The following ANO7 variants were observed in gnomAD, a reference collection of about 807,000 sequenced individuals.
ANO7 encodes anoctamin 7.
Under a neutral mutation model 115.8 loss-of-function variants are expected in ANO7, and 114 were observed. The observed-to-expected ratio is 0.98, with a 90% CI of 0.85 to 1.15. The LOEUF (loss-of-function observed/expected upper bound fraction) is 1.15, where lower values mean the gene tolerates loss of function less well. ANO7 is among the 50% of genes most tolerant of loss of function. ANO7 has a pLI of 0.00. For missense variants in ANO7, 1,302 were observed against 1,201.2 expected (o/e 1.08, Z -1.24); for synonymous variants, 550 against 498.2 (o/e 1.10, Z -1.38).
At chr2:241,193,259 G>A (rs1010283576) in intron 3 of ANO7, among the ~76,000 whole-genome samples, 3 of 152,092 alleles carry the variant, frequency 2.0e-5, no homozygotes, top group Admixed American at 6.5e-5. Context: ...TAGTAGAGAC[G>A]GGGTTTCGCC....
intron 21 of ANO7, 61 bp downstream of exon 21, chr2:241,218,442 C>G: frequency 4.2e-6 from 4 of 958,526 alleles, no homozygotes; most frequent in Non-Finnish European, 3.7e-6. Context: ...GAGCGGGGCT[C>G]GGGTGGGGTG....
At chr2:241,230,138 C>T (rs758254019), downstream of ANO7, 20 of 1,603,862 alleles carry the variant, frequency 1.2e-5, no homozygotes, top group Non-Finnish European at 1.6e-5. The surrounding 1 kb of genome is among the most constrained non-coding windows in gnomAD (Gnocchi z 5.0). Flanking sequence ...GGCTCCAAGG[C>T]CCACAGAGAC....
chr2:241,192,405 G>A lies in ANO7; in HGVS notation c.166+1154G>A, dbSNP rs77810022. Among the ~76,000 whole-genome samples the A allele has an allele frequency of 3.3e-4, 50 of 152,254 alleles. No individual in the cohort carries two copies. The East Asian group carries it at 7.9e-3, about 24-fold the overall frequency. Reference sequence around the variant, plus strand: ...TCTCACAGTCTTGGGGCTGAAGCCCGAGGTGAGGGTGAGGCAGGGCTGGTG... The same window carrying A: ...TCTCACAGTCTTGGGGCTGAAGCCCAAGGTGAGGGTGAGGCAGGGCTGGTG... On this transcript the variant is annotated intron_variant, in intron 3 of 24. Transcript: ENST00000674324.
intron 11 of ANO7, among the ~76,000 whole-genome samples, chr2:241,208,928 T>TC (rs986712715): frequency 6.6e-6 from 1 of 152,018 alleles, no homozygotes; most frequent in African/African-American, 2.4e-5. Flanking sequence ...GGCGGGTGGA[T>TC]CACAAGGTCA....
chr2:241,234,891 CG>C, the ANO7 span, among the ~76,000 whole-genome samples: 1 of 152,198 alleles, frequency 6.6e-6, no homozygotes, highest in Non-Finnish European at 1.5e-5. Context: ...CAAATTTACA[CG>C]GAAGTCCAAC....
At chr2:241,235,085 T>A in the ANO7 span, 1 of 1,605,782 alleles carries the variant, frequency 6.2e-7, no homozygotes, top group East Asian at 2.2e-5. Flanking sequence ...CTGAGCACCA[T>A]GGCTCTGGGC....
At chr2:241,209,676 C>T in intron 13 of ANO7, 41 bp downstream of exon 13, 1 of 1,503,026 alleles carries the variant, frequency 6.7e-7, no homozygotes, top group African/African-American at 1.4e-5. Flanking sequence ...CTCCATCCTC[C>T]TGCACCATGT....
chr2:241,236,303 T>G, the ANO7 span: 3 of 367,970 alleles, frequency 8.2e-6, no homozygotes, highest in Non-Finnish European at 1.0e-5. Context: ...CAACTGGAGG[T>G]CACATTCATC....
downstream of ANO7, chr2:241,229,554 T>C (rs372425746): frequency 2.9e-6 from 4 of 1,369,564 alleles, no homozygotes; most frequent in African/African-American, 4.3e-5. Context: ...CATTGTGTGG[T>C]TGGGTTTGGG....
chr2:241,200,673 C>G (rs75153843), intron 6 of ANO7, among the ~76,000 whole-genome samples: 4,435 of 152,364 alleles, frequency 0.029, 191 homozygotes, highest in African/African-American at 0.099. Context: ...CTGGACAAAG[C>G]CAGTTGCACT....
chr2:241,202,312 CG>C lies in ANO7; in HGVS notation c.723+13del. 6.2e-7 allele frequency: 1 copy of C among 1,610,180 alleles called. No homozygotes were observed. On this transcript the variant is annotated intron_variant, in intron 8 of 24. Coordinates refer to ENST00000674324, the MANE Select transcript of ANO7 (RefSeq NM_001370694.2). ...GCCTTCCCCCTGCATGACGTGAGCT[CG>C]GGGGCTGGGGGCTCCAGCCTGGGTA... is the stretch of plus-strand genomic sequence containing the variant.
At chr2:241,190,847 A>G (rs1245554551) in intron 2 of ANO7, among the ~76,000 whole-genome samples, 1 of 152,196 alleles carries the variant, frequency 6.6e-6, no homozygotes, top group Non-Finnish European at 1.5e-5. Context: ...CCTGGAGGCC[A>G]GCAAGGCAGG....
chr2:241,238,633 C>A, the ANO7 span: 2 of 1,543,270 alleles, frequency 1.3e-6, no homozygotes, highest in East Asian at 2.3e-5. This position sits in a 1 kb window ranked among gnomAD's most constrained non-coding sequence, Gnocchi z 4.9. Flanking sequence ...CAGAGCAGGG[C>A]TAATGGGGGA....
At chr2:241,236,444 T>C in the ANO7 span, 3 of 675,536 alleles carry the variant, frequency 4.4e-6, no homozygotes, top group African/African-American at 1.8e-5. Context: ...CTCCCCAAAC[T>C]CTGTGTCCAG....
At chr2:241,236,416 T>C in the ANO7 span, 8 of 606,384 alleles carry the variant, frequency 1.3e-5, no homozygotes, top group Admixed American at 1.5e-4. Context: ...ACCCCGAGCC[T>C]TGGTGAAGGG....
chr2:241,209,081 G>A (rs111661208), intron 11 of ANO7, among the ~76,000 whole-genome samples: 8 of 152,300 alleles, frequency 5.3e-5, no homozygotes, highest in East Asian at 3.9e-4. Context: ...CCCGGGAGGC[G>A]AAGCGTGCAG....
chr2:241,212,793 T>C, intron 17 of ANO7, 167 bp downstream of exon 17: 1 of 692,582 alleles, frequency 1.4e-6, no homozygotes, highest in Non-Finnish European at 2.4e-6. Context: ...CCAGCCTCTC[T>C]TCACCACTTA....
In ANO7 at chr2:241,190,169, G is replaced by A. The variant is rs1342836441; in HGVS notation, c.106G>A (p.Glu36Lys). The A allele has an allele frequency of 1.9e-5, 29 of 1,558,298 alleles. No individual in the cohort carries two copies. The highest frequency in any genetic ancestry group is 2.5e-5 in the Non-Finnish European group (29 of 1,151,064). ...GSYGSTAHASEPGGQQAAACR... is the reference protein window; with the variant it reads ...GSYGSTAHASKPGGQQAAACR... Reference sequence around the variant, plus strand: ...TTACGGGAGCACAGCCCACGCCTCGGAGGTAACAGCACCCAGGAGACTGTG... The same window carrying A: ...TTACGGGAGCACAGCCCACGCCTCGAAGGTAACAGCACCCAGGAGACTGTG... The change falls in exon 2 of 25, where the codon GAG becomes AAG. Residue 36 changes from glutamate (E) to lysine (K), a missense_variant and splice_region_variant. Glu to Lys is a moderately conservative substitution (Grantham distance 56, BLOSUM62 1). Transcript: ENST00000674324.
At chr2:241,199,719 A>T (rs1465272060) in intron 5 of ANO7, among the ~76,000 whole-genome samples, 1 of 152,128 alleles carries the variant, frequency 6.6e-6, no homozygotes, top group Non-Finnish European at 1.5e-5. Flanking sequence ...CTGCCTATGA[A>T]CATGGGGTGG....
Sources: gnomAD v4.1 joint callset for allele counts (sites outside exome capture counted in the v4.1 genomes callset) on GRCh38, gnomAD v4.1.1 for gene constraint, Gnocchi (gnomAD v3.1) non-coding constraint, MANE v1.5 for transcripts, NCBI Gene and HGNC (gene_info 2026-07-23, HGNC 2026-07-21) for gene names.